Variants in FOXK2 observed in about 807,000 individuals in gnomAD.
FOXK2 encodes forkhead box K2.
Under a neutral mutation model 53.3 loss-of-function variants are expected in FOXK2, and 24 were observed. The ratio of observed to expected loss-of-function variants is 0.45; its 90% CI spans 0.33 to 0.63. The LOEUF (loss-of-function observed/expected upper bound fraction) is 0.63. Ranked by LOEUF, FOXK2 falls within the 30% of genes least tolerant of loss-of-function variation. The pLI, the probability that FOXK2 is intolerant of heterozygous loss-of-function variation, is 0.03. For missense variants in FOXK2, 952 were observed against 910.5 expected (o/e 1.05, Z -0.59); for synonymous variants, 505 against 407.1 (o/e 1.24, Z -2.89).
chr17:82,585,739 T>C (rs2045129798), intron 6 of FOXK2, among the ~76,000 whole-genome samples, 165 bp from the exon 7 acceptor site: 1 of 152,208 alleles, frequency 6.6e-6, no homozygotes, highest in African/African-American at 2.4e-5. Flanking sequence ...TTTAAAATAC[T>C]ACACCTCCCT....
intron 7 of FOXK2, among the ~76,000 whole-genome samples, 159 bp downstream of exon 7, chr17:82,586,359 GGAAAGGAGGAGAGGGGAGAC>G: frequency 7.3e-6 from 1 of 137,494 alleles, no homozygotes; most frequent in Non-Finnish European, 1.5e-5. Flanking sequence ...TAGGCGGAGG[GGAAAGGAGGAGAGGGGAGAC>G]CACAGGGAGG....
intron 1 of FOXK2, among the ~76,000 whole-genome samples, chr17:82,522,779 T>C (rs1034924161): frequency 7.2e-5 from 11 of 152,238 alleles, no homozygotes; most frequent in African/African-American, 2.4e-4. Context: ...AAGTTGACCT[T>C]TCAGTGAGGG....
intron 2 of FOXK2, among the ~76,000 whole-genome samples, chr17:82,566,737 C>CT: frequency 6.6e-6 from 1 of 152,296 alleles, no homozygotes; most frequent in African/African-American, 2.4e-5. Flanking sequence ...CTGCTGCTTT[C>CT]TTTTCATCCT....
chr17:82,534,111 T>C (rs1381777701), intron 1 of FOXK2, among the ~76,000 whole-genome samples: 1 of 151,060 alleles, frequency 6.6e-6, no homozygotes, highest in Non-Finnish European at 1.5e-5. Context: ...CCAGATGTTG[T>C]GGCAAGGGCC....
At chr17:82,543,923 C>T (rs1350087409) in intron 1 of FOXK2, among the ~76,000 whole-genome samples, 3 of 152,098 alleles carry the variant, frequency 2.0e-5, no homozygotes, top group African/African-American at 7.2e-5. Flanking sequence ...ACTACAGGCA[C>T]CCGCCACCAC....
At chr17:82,526,514 A>G (rs2044419812) in intron 1 of FOXK2, among the ~76,000 whole-genome samples, 1 of 152,128 alleles carries the variant, frequency 6.6e-6, no homozygotes, top group Non-Finnish European at 1.5e-5. Context: ...ACTAAGGTGA[A>G]GTGGCTGAAG....
intron 8 of FOXK2, chr17:82,588,189 T>C (rs1024856985): frequency 2.5e-4 from 38 of 152,406 alleles, no homozygotes; most frequent in African/African-American, 9.1e-4. Flanking sequence ...GGGGTTTTTT[T>C]TGTTTTTAAG....
chr17:82,543,359 C>G (rs546974542), intron 1 of FOXK2, among the ~76,000 whole-genome samples: 1 of 152,156 alleles, frequency 6.6e-6, no homozygotes, highest in Admixed American at 6.6e-5. Context: ...TCATGTTATC[C>G]GGGGAGGCCG....
Position 82,582,771 on chromosome 17 carries a change from C to G in FOXK2, c.940C>G (p.Arg314Gly). 3 of 1,602,554 alleles carry G rather than the reference C, an allele frequency of 1.9e-6. No homozygotes were observed. The highest frequency in any genetic ancestry group is 2.5e-6 in the Non-Finnish European group (3 of 1,176,624). The change falls in exon 5 of 9, where the codon CGT (arginine) becomes GGT (glycine). Residue 314 changes from arginine (R) to glycine (G), a missense_variant. Coordinates refer to ENST00000335255, the MANE Select transcript of FOXK2 (RefSeq NM_004514.4). Reference sequence around the variant, plus strand: ...AATTCGCCACAATCTCTCTCTGAATCGTTATTTCATCAAAGTGCCGCGTTC... The same window carrying G: ...AATTCGCCACAATCTCTCTCTGAATGGTTATTTCATCAAAGTGCCGCGTTC... ...NSIRHNLSLNRYFIKVPRSQE... is the reference protein window; with the variant it reads ...NSIRHNLSLNGYFIKVPRSQE...
intron 8 of FOXK2, among the ~76,000 whole-genome samples, chr17:82,591,812 T>C (rs1184337121): frequency 6.6e-6 from 1 of 152,252 alleles, no homozygotes; most frequent in Admixed American, 6.5e-5. Context: ...TTCTGCTTCC[T>C]GTTTCCAAAG....
chr17:82,546,589 G>T (rs1034179759), intron 1 of FOXK2, among the ~76,000 whole-genome samples: 1 of 152,030 alleles, frequency 6.6e-6, no homozygotes, highest in Non-Finnish European at 1.5e-5. Context: ...CAAGAGTGAA[G>T]TGCTGCGTCC....
intron 4 of FOXK2, among the ~76,000 whole-genome samples, chr17:82,574,031 T>C (rs1405795057): frequency 6.6e-6 from 1 of 152,254 alleles, no homozygotes; most frequent in East Asian, 1.9e-4. Context: ...GGACCCCTCA[T>C]GCATGCCCTG....
rs995808840 is a variant in FOXK2, at chr17:82,588,100, G to C, written c.1786+828G>C. Among the ~76,000 whole-genome samples, 3 of 152,134 alleles carry C rather than the reference G, an allele frequency of 2.0e-5. No individual in the cohort carries two copies. In the East Asian group the frequency reaches 5.8e-4, roughly 29 times the overall value. The stretch of plus-strand genomic sequence containing the variant: ...GAAACCTGCAGGTACCTCCTACTCT[G>C]ACTCAGCACCACCCTGCCTCTCCCC... On this transcript the variant is annotated intron_variant, in intron 8 of 8. Transcript: ENST00000335255.
chr17:82,547,650 TAAAAC>T lies in FOXK2; in HGVS notation c.420-15700_420-15696del, dbSNP rs369617516. On this transcript the variant is annotated intron_variant, in intron 1 of 8. Transcript: ENST00000335255. ...ACTTTTTTTTGAGGAATATTTCACATAAAACAAACTTAAGGGTACCTTTCAAAGAG... is the reference window on the plus strand; with the variant it reads ...ACTTTTTTTTGAGGAATATTTCACATAAACTTAAGGGTACCTTTCAAAGAG... Among the ~76,000 whole-genome samples the T allele has an allele frequency of 1.8e-3, 276 of 152,338 alleles. 1 individual carries two copies. The highest frequency in any genetic ancestry group is 6.4e-3 in the African/African-American group (267 of 41,570).
At chr17:82,564,227 A>G (rs2044829873) in intron 2 of FOXK2, among the ~76,000 whole-genome samples, 1 of 151,674 alleles carries the variant, frequency 6.6e-6, no homozygotes, top group African/African-American at 2.4e-5. Flanking sequence ...AGCTGGGGCT[A>G]CAGACATGTG....
intron 1 of FOXK2, among the ~76,000 whole-genome samples, chr17:82,557,672 G>A (rs890893420): frequency 1.3e-5 from 2 of 151,440 alleles, no homozygotes; most frequent in African/African-American, 4.9e-5. Flanking sequence ...AACTAGAAAT[G>A]GGATCTTGCT....
intron 8 of FOXK2, chr17:82,596,236 T>G: frequency 1.0e-6 from 1 of 986,568 alleles, no homozygotes; most frequent in Non-Finnish European, 1.2e-6. Flanking sequence ...CCTTCTTCTT[T>G]TTCTTTCACG....
chr17:82,541,414 A>T (rs887628443), intron 1 of FOXK2, among the ~76,000 whole-genome samples: 1 of 151,582 alleles, frequency 6.6e-6, no homozygotes, highest in African/African-American at 2.4e-5. Context: ...CTGGGATTAC[A>T]GGCGCCCGCC....
chr17:82,596,587 C>T (rs778873603), intron 8 of FOXK2, among the ~76,000 whole-genome samples: 6 of 18,598 alleles, frequency 3.2e-4, no homozygotes, highest in South Asian at 2.5e-3. Flanking sequence ...CCAGCTCCTG[C>T]AGCCTCATCA....
Sources: allele counts gnomAD v4.1 joint callset (sites outside exome capture counted in the v4.1 genomes callset), GRCh38; gene constraint gnomAD v4.1.1; transcripts MANE v1.5; gene names NCBI Gene and HGNC (gene_info 2026-07-23, HGNC 2026-07-21).